ARHGAP8: variants seen among roughly 807,000 people sequenced by gnomAD.
The protein encoded by ARHGAP8 is rho GTPase-activating protein 8.
A neutral mutation model predicts 46.1 loss-of-function variants in ARHGAP8; 62 were observed. The observed-to-expected ratio is 1.34, with a 90% CI of 1.10 to 1.66. The LOEUF (loss-of-function observed/expected upper bound fraction) is 1.66, where lower values mean the gene tolerates loss of function less well. Ranked by LOEUF, ARHGAP8 falls within the 40% of genes most tolerant of loss-of-function variation. The pLI is 0.00. For missense variants in ARHGAP8, 923 were observed against 568.4 expected, an observed-to-expected ratio of 1.62 and a Z score of -6.34; for synonymous variants, 375 against 243.1, an observed-to-expected ratio of 1.54 and a Z score of -5.05.
chr22:44,859,358 C>A (rs1267517460), intron 10 of ARHGAP8, among the ~76,000 whole-genome samples: 1 of 152,052 alleles, frequency 6.6e-6, no homozygotes, highest in African/African-American at 2.4e-5. Flanking sequence ...CACCTCTGTC[C>A]CACTCTCTCT....
intron 10 of ARHGAP8, among the ~76,000 whole-genome samples, chr22:44,852,989 A>G (rs1249165246): frequency 1.3e-5 from 2 of 152,086 alleles, no homozygotes; most frequent in African/African-American, 4.8e-5. Flanking sequence ...TTTTTAGTAG[A>G]GACAGCATTT....
intron 5 of ARHGAP8, among the ~76,000 whole-genome samples, chr22:44,816,884 C>CTT (rs981732386): frequency 0.032 from 3,675 of 115,032 alleles, 263 homozygotes; most frequent in African/African-American, 0.12. Context: ...TTCTTTCTTT[C>CTT]TTTTTTTTTT....
At chr22:44,846,070 GCT>G (rs2147160945) in intron 8 of ARHGAP8, among the ~76,000 whole-genome samples, 1 of 151,798 alleles carries the variant, frequency 6.6e-6, no homozygotes, top group Non-Finnish European at 1.5e-5. Context: ...CCAGAGCTCG[GCT>G]CAACAGTTGC....
At chr22:44,793,007 A>G (rs1157136536) in intron 2 of ARHGAP8, among the ~76,000 whole-genome samples, 2 of 152,030 alleles carry the variant, frequency 1.3e-5, no homozygotes, top group African/African-American at 4.8e-5. Flanking sequence ...TATTTTTAGT[A>G]AAGATGAGGT....
intron 1 of ARHGAP8, among the ~76,000 whole-genome samples, chr22:44,785,502 T>A (rs964898347): frequency 6.6e-6 from 1 of 152,090 alleles, no homozygotes; most frequent in African/African-American, 2.4e-5. Context: ...ACCCTCCCCT[T>A]GTATCTCCTG....
chr22:44,821,825 G>T (rs999278451), intron 5 of ARHGAP8, among the ~76,000 whole-genome samples: 2 of 152,178 alleles, frequency 1.3e-5, no homozygotes, highest in African/African-American at 2.4e-5. Context: ...CCTGGTCAGG[G>T]CATGTCTGGC....
intron 7 of ARHGAP8, among the ~76,000 whole-genome samples, chr22:44,843,909 A>C (rs1467216996): frequency 1.3e-5 from 2 of 152,058 alleles, no homozygotes; most frequent in East Asian, 3.8e-4. Flanking sequence ...AGACTGTATT[A>C]CATTAAATAT....
At chr22:44,851,606 CTTGAGTCCAAGAGT>C (rs201522651) in intron 10 of ARHGAP8, among the ~76,000 whole-genome samples, 2,350 of 152,172 alleles carry the variant, frequency 0.015, 32 homozygotes, top group Admixed American at 0.023. Flanking sequence ...AGAAAGATCA[CTTGAGTCCAAGAGT>C]TTGAGTCCAA....
intron 3 of ARHGAP8, among the ~76,000 whole-genome samples, chr22:44,802,513 G>A (rs1026529961): frequency 2.0e-5 from 3 of 152,126 alleles, no homozygotes; most frequent in Non-Finnish European, 2.9e-5. Context: ...CCTCCCCCAC[G>A]CACTGTCCCT....
intron 2 of ARHGAP8, chr22:44,801,839 T>C: frequency 1.8e-6 from 1 of 557,264 alleles, no homozygotes; most frequent in South Asian, 2.3e-5. Flanking sequence ...CTCGGTTTTC[T>C]ATCTGTAAAG....
chr22:44,862,129 G>C (rs774593155), intron 11 of ARHGAP8, 146 bp from the exon 12 acceptor site: 1 of 957,088 alleles, frequency 1.0e-6, no homozygotes, highest in Non-Finnish European at 1.5e-6. Context: ...GCAGGTGGCT[G>C]CACAGGGTCC....
intron 10 of ARHGAP8, among the ~76,000 whole-genome samples, chr22:44,858,532 G>GATTTTTTTTT (rs1569184837): frequency 7.9e-5 from 1 of 12,690 alleles, no homozygotes; most frequent in Non-Finnish European, 1.5e-4. Flanking sequence ...ACCATACCCG[G>GATTTTTTTTT]CTTTTTTTTT....
At chr22:44,792,093 A>C (rs998242979) in intron 2 of ARHGAP8, among the ~76,000 whole-genome samples, 1 of 150,746 alleles carries the variant, frequency 6.6e-6, no homozygotes, top group South Asian at 2.1e-4. Context: ...GCTCACTGCA[A>C]CCTCCACCTC....
At chr22:44,827,732 G>C (rs540715658) in intron 7 of ARHGAP8, among the ~76,000 whole-genome samples, 1 of 152,272 alleles carries the variant, frequency 6.6e-6, no homozygotes, top group Non-Finnish European at 1.5e-5. Context: ...GGGTAGTTGC[G>C]AGTATAGGGG....
rs769924204 is a variant in ARHGAP8, at chr22:44,786,606, G to T, written c.79G>T (p.Gly27Trp). Reference protein sequence around the residue: ...VARHGILQVAGDDRFGRRVVT... With the variant: ...VARHGILQVAWDDRFGRRVVT... ...CAGACATGGCATTCTGCAGGTGGCA[G>T]GTAGGGCCCCAGCTGGGCAGTCTGC... The change falls in exon 2 of 12, where the codon GGG becomes TGG. Residue 27 changes from glycine to tryptophan, a missense_variant and splice_region_variant. Transcript: ENST00000356099. 1 of 1,612,936 alleles carries T rather than the reference G, an allele frequency of 6.2e-7. No homozygotes were observed. The highest frequency in any genetic ancestry group is 8.5e-7 in the Non-Finnish European group (1 of 1,179,602).
intron 3 of ARHGAP8, among the ~76,000 whole-genome samples, chr22:44,805,779 A>C (rs1928879899): frequency 6.6e-6 from 1 of 152,230 alleles, no homozygotes; most frequent in African/African-American, 2.4e-5. Flanking sequence ...TTATGAAAAA[A>C]ATTAACACCC....
At chr22:44,853,500 C>T (rs1009644626) in intron 10 of ARHGAP8, among the ~76,000 whole-genome samples, 22 of 152,154 alleles carry the variant, frequency 1.4e-4, no homozygotes, top group South Asian at 2.1e-4. Flanking sequence ...CGCAAGCGTG[C>T]GCCGTAGTTT....
At chr22:44,794,878 G>T (rs934767865) in intron 2 of ARHGAP8, among the ~76,000 whole-genome samples, 1 of 151,684 alleles carries the variant, frequency 6.6e-6, no homozygotes, top group Non-Finnish European at 1.5e-5. Flanking sequence ...AGGACATTTA[G>T]AAATCTATTG....
intron 4 of ARHGAP8, among the ~76,000 whole-genome samples, chr22:44,811,857 C>T (rs1416121531): frequency 2.0e-5 from 3 of 151,968 alleles, no homozygotes; most frequent in Non-Finnish European, 4.4e-5. Flanking sequence ...ATTAGCCAGG[C>T]GTGGTGGTGC....
Sources: gnomAD v4.1 joint callset for allele counts (sites outside exome capture counted in the v4.1 genomes callset) on GRCh38, gnomAD v4.1.1 for gene constraint, MANE v1.5 for transcripts, NCBI Gene and HGNC (gene_info 2026-07-23, HGNC 2026-07-21) for gene names.